COL25A1: variants seen among roughly 807,000 people sequenced by gnomAD.
COL25A1 encodes the protein collagen type XXV alpha 1 chain.
In COL25A1, 103 loss-of-function variants were observed where a neutral mutation model predicts 128.4. The ratio of observed to expected loss-of-function variants is 0.80; its 90% CI spans 0.68 to 0.94. COL25A1 has a LOEUF of 0.94. COL25A1 is among the 40% of genes least tolerant of loss of function. The pLI is 0.00. For synonymous variants in COL25A1, 279 were observed against 277.2 expected (o/e 1.01, Z -0.06); for missense variants, 745 against 840.0 (o/e 0.89, Z 1.40).
intron 5 of COL25A1, among the ~76,000 whole-genome samples, chr4:109,032,110 C>T (rs794144): frequency 0.5 from 75,190 of 151,790 alleles, 20,425 homozygotes; most frequent in African/African-American, 0.71. Context: ...GTACCATTAT[C>T]CACCCCATTT....
intron 31 of COL25A1, among the ~76,000 whole-genome samples, chr4:108,839,877 A>G (rs550410524): frequency 4.6e-5 from 7 of 152,180 alleles, no homozygotes; most frequent in Non-Finnish European, 1.0e-4. Flanking sequence ...TGAATCACTT[A>G]TGAAATTAAA....
intron 6 of COL25A1, among the ~76,000 whole-genome samples, chr4:109,007,495 G>A (rs1756137527): frequency 6.6e-6 from 1 of 152,114 alleles, no homozygotes; most frequent in Non-Finnish European, 1.5e-5. Context: ...TTTTTGTGCT[G>A]TAGAAAGATC....
chr4:109,236,659 C>T (rs2126226114), intron 3 of COL25A1, among the ~76,000 whole-genome samples: 2 of 152,136 alleles, frequency 1.3e-5, no homozygotes, highest in South Asian at 4.1e-4. Context: ...TTCTGAGTCT[C>T]CTCCAAAAAT....
chr4:109,078,500 A>G (rs1225468491), intron 3 of COL25A1, among the ~76,000 whole-genome samples: 8 of 152,226 alleles, frequency 5.3e-5, no homozygotes, highest in Non-Finnish European at 1.2e-4. Flanking sequence ...AAAAAATAAA[A>G]GTTTAGAAAA....
At chr4:108,828,654 T>C (rs1290511011) in intron 32 of COL25A1, among the ~76,000 whole-genome samples, 1 of 152,246 alleles carries the variant, frequency 6.6e-6, no homozygotes, top group African/African-American at 2.4e-5. Context: ...GTATTTCAAA[T>C]GGTGTTTTCT....
intron 3 of COL25A1, among the ~76,000 whole-genome samples, chr4:109,183,916 C>T (rs1452383072): frequency 1.4e-5 from 2 of 142,650 alleles, no homozygotes; most frequent in African/African-American, 5.6e-5. Flanking sequence ...AAAACACACA[C>T]CAACTTCAAA....
chr4:108,979,739 G>A (rs187781996), intron 6 of COL25A1, among the ~76,000 whole-genome samples: 6 of 152,302 alleles, frequency 3.9e-5, no homozygotes, highest in Admixed American at 3.9e-4. Flanking sequence ...ATGAGGACAA[G>A]CAAGCTTCAT....
At chr4:109,225,451 A>T (rs982217972) in intron 3 of COL25A1, among the ~76,000 whole-genome samples, 3 of 152,224 alleles carry the variant, frequency 2.0e-5, no homozygotes, top group Admixed American at 2.0e-4. Flanking sequence ...AAGACAAAAA[A>T]TAACAGATGT....
chr4:108,957,927 A>G (rs373721793), intron 8 of COL25A1, among the ~76,000 whole-genome samples: 69 of 152,184 alleles, frequency 4.5e-4, no homozygotes, highest in African/African-American at 1.5e-3. Flanking sequence ...TAAAAAGCAA[A>G]ATGTGACCTC....
At chr4:108,927,385 T>C (rs1358900582) in intron 11 of COL25A1, among the ~76,000 whole-genome samples, 1 of 152,140 alleles carries the variant, frequency 6.6e-6, no homozygotes, top group East Asian at 1.9e-4. Context: ...ATTGACTAAA[T>C]GGAAAAAATG....
At chr4:108,902,899 G>C (rs527872212) in intron 13 of COL25A1, among the ~76,000 whole-genome samples, 14 of 152,018 alleles carry the variant, frequency 9.2e-5, no homozygotes, top group African/African-American at 3.1e-4. Flanking sequence ...CATTTACTGT[G>C]CAACGAGAAA....
At chr4:108,834,033 G>T (rs1209180682) in intron 31 of COL25A1, among the ~76,000 whole-genome samples, 1 of 152,130 alleles carries the variant, frequency 6.6e-6, no homozygotes, top group African/African-American at 2.4e-5. Context: ...TCTGTCTATT[G>T]GTTCTGGAAA....
At chr4:108,950,439 C>T (rs1300216668) in intron 8 of COL25A1, among the ~76,000 whole-genome samples, 1 of 152,132 alleles carries the variant, frequency 6.6e-6, no homozygotes, top group Non-Finnish European at 1.5e-5. Context: ...TCCCATGCCC[C>T]ATAGGTGCAG....
chr4:109,274,335 A>T (rs1041607823), intron 3 of COL25A1, among the ~76,000 whole-genome samples: 10 of 152,202 alleles, frequency 6.6e-5, no homozygotes, highest in Non-Finnish European at 1.5e-4. Context: ...CATAACAAAA[A>T]CAGATGAAAA....
At chr4:108,838,842 G>A (rs1436176076) in intron 31 of COL25A1, among the ~76,000 whole-genome samples, 2 of 152,058 alleles carry the variant, frequency 1.3e-5, no homozygotes, top group East Asian at 1.9e-4. Context: ...TTAACTCAGC[G>A]TGACATTATA....
At chr4:108,942,742 A>G (rs1050643823) in intron 8 of COL25A1, among the ~76,000 whole-genome samples, 4 of 128,234 alleles carry the variant, frequency 3.1e-5, no homozygotes, top group African/African-American at 1.2e-4. Context: ...GAGCCACCAC[A>G]TCTGGACTTT....
At chr4:109,105,199 C>A (rs1560700234) in intron 3 of COL25A1, among the ~76,000 whole-genome samples, 1 of 152,152 alleles carries the variant, frequency 6.6e-6, no homozygotes, top group Non-Finnish European at 1.5e-5. Flanking sequence ...AGGCTGGGCA[C>A]AGTAGCTTAC....
At chr4:109,266,037 G>C (rs1012581826) in intron 3 of COL25A1, among the ~76,000 whole-genome samples, 1 of 151,910 alleles carries the variant, frequency 6.6e-6, no homozygotes, top group Non-Finnish European at 1.5e-5. Flanking sequence ...TTTTAAAACA[G>C]GTCGACTCTT....
chr4:109,124,544 T>G (rs554404179), intron 3 of COL25A1, among the ~76,000 whole-genome samples: 6 of 151,948 alleles, frequency 3.9e-5, no homozygotes, highest in Non-Finnish European at 7.4e-5. Context: ...GAATTAAAAT[T>G]TTTTTTCCAG....
Sources: gnomAD v4.1 joint callset for allele counts (sites outside exome capture counted in the v4.1 genomes callset) on GRCh38, gnomAD v4.1.1 for gene constraint, MANE v1.5 for transcripts, NCBI Gene and HGNC (gene_info 2026-07-23, HGNC 2026-07-21) for gene names.